The following TEAD1 variants were observed in gnomAD, a reference collection of about 807,000 sequenced individuals.
TEAD1 encodes the protein TEA domain transcription factor 1, also known as transcriptional enhancer factor TEF-1.
In TEAD1, 9 loss-of-function variants were observed where a neutral mutation model predicts 54.9. The ratio of observed to expected loss-of-function variants is 0.16; its 90% CI spans 0.10 to 0.29. The LOEUF (loss-of-function observed/expected upper bound fraction) is 0.29, where lower values mean the gene tolerates loss of function less well. Among genes scored for constraint, TEAD1 ranks in the 10% least tolerant of loss-of-function variants. TEAD1 has a pLI of 1.00. For missense variants in TEAD1, 387 were observed against 535.9 expected (o/e 0.72, Z 2.74); for synonymous variants, 200 against 187.8 (o/e 1.07, Z -0.53).
At chr11:12,703,985 G>A (rs1206257601) in intron 2 of TEAD1, among the ~76,000 whole-genome samples, 6 of 152,166 alleles carry the variant, frequency 3.9e-5, no homozygotes, top group Admixed American at 3.9e-4. Flanking sequence ...GAATGGCCCT[G>A]GATGTGCTTT....
intron 3 of TEAD1, among the ~76,000 whole-genome samples, chr11:12,792,957 G>A (rs1159347862): frequency 4.6e-5 from 7 of 152,166 alleles, no homozygotes; most frequent in Non-Finnish European, 1.0e-4. Flanking sequence ...AGAGGCTGAG[G>A]CAGGAGGATT....
chr11:12,742,063 G>A (rs1392716834), intron 2 of TEAD1, among the ~76,000 whole-genome samples: 1 of 152,222 alleles, frequency 6.6e-6, no homozygotes, highest in Non-Finnish European at 1.5e-5. Flanking sequence ...AGGTTGGAAT[G>A]CACCTTTCTT....
chr11:12,700,589 A>G (rs962916427), intron 2 of TEAD1, among the ~76,000 whole-genome samples: 1 of 152,174 alleles, frequency 6.6e-6, no homozygotes, highest in Admixed American at 6.5e-5. Context: ...AGCCACATTG[A>G]TCTTAGAAAC....
At chr11:12,760,177 T>A (rs1945072481) in intron 2 of TEAD1, among the ~76,000 whole-genome samples, 1 of 152,216 alleles carries the variant, frequency 6.6e-6, no homozygotes, top group South Asian at 2.1e-4. Flanking sequence ...CTAGAGAGGA[T>A]GGACTTGGAC....
intron 9 of TEAD1, among the ~76,000 whole-genome samples, chr11:12,886,338 C>T (rs1948086537): frequency 2.0e-5 from 3 of 152,264 alleles, no homozygotes; most frequent in Middle Eastern, 3.4e-3. Context: ...ACATAGACTC[C>T]ACCACATGAC....
In TEAD1 at chr11:12,940,669, T is replaced by G. The variant is rs2134181923; in HGVS notation, c.*3447T>G. 1 of 152,274 alleles carries G rather than the reference T, an allele frequency of 6.6e-6. No individual in the cohort carries two copies. The highest frequency in any genetic ancestry group is 1.9e-4 in the East Asian group (1 of 5,176). 9.4% of individuals were successfully genotyped at this position (152,274 alleles called of 1,614,324 possible). ...ATCCCTTTAATCAACTCACACCTGT[T>G]TAAAGAGTGTTTCTGATTTGACCTT... On this transcript the variant is annotated 3_prime_UTR_variant, in exon 13 of 13. Transcript: ENST00000527636.
At chr11:12,872,960 C>G (rs1223332839) in intron 5 of TEAD1, among the ~76,000 whole-genome samples, 1 of 152,150 alleles carries the variant, frequency 6.6e-6, no homozygotes, top group Non-Finnish European at 1.5e-5. Flanking sequence ...TAAATTAGGA[C>G]ACAGAGGCGT....
At chr11:12,843,132 AT>A (rs1325463608) in intron 3 of TEAD1, among the ~76,000 whole-genome samples, 2 of 152,110 alleles carry the variant, frequency 1.3e-5, no homozygotes, top group Non-Finnish European at 2.9e-5. Flanking sequence ...GGCAGCCTCT[AT>A]TGTCTCATTG....
chr11:12,921,646 T>G (rs1948809665), intron 10 of TEAD1, among the ~76,000 whole-genome samples: 1 of 152,018 alleles, frequency 6.6e-6, no homozygotes, highest in Admixed American at 6.5e-5. Flanking sequence ...CACAGCGAAG[T>G]ATTCTAAGGT....
chr11:12,750,048 G>A (rs1944835187), intron 2 of TEAD1, among the ~76,000 whole-genome samples: 1 of 152,180 alleles, frequency 6.6e-6, no homozygotes, highest in Admixed American at 6.5e-5. Flanking sequence ...TTAAAGGGTG[G>A]GGACTTGCTT....
rs772657678 is a variant in TEAD1 at position 12,937,148 on chromosome 11, A to G, written c.1207A>G (p.Met403Val). 8.1e-6 allele frequency: 13 copies of G among 1,613,934 alleles called. No individual in the cohort carries two copies. The highest frequency in any genetic ancestry group is 2.2e-5 in the South Asian group (2 of 91,082). The change falls in exon 13 of 13, where the codon ATG (methionine) becomes GTG (valine). Residue 403 changes from methionine (M) to valine (V), a missense_variant. Met to Val is a conservative substitution (Grantham distance 21). Coordinates refer to ENST00000527636, the MANE Select transcript of TEAD1 (RefSeq NM_021961.6). ...GGATACACAAGAAACTCTACTCTGCATGGCCTGTGTGTTTGAAGTTTCAAA... is the reference window on the plus strand; with the variant it reads ...GGATACACAAGAAACTCTACTCTGCGTGGCCTGTGTGTTTGAAGTTTCAAA...
chr11:12,773,612 G>A (rs1302337275), intron 3 of TEAD1, among the ~76,000 whole-genome samples: 1 of 152,096 alleles, frequency 6.6e-6, no homozygotes, highest in Admixed American at 6.5e-5. Flanking sequence ...CTAATTGGAG[G>A]GTTTATGTTG....
At chr11:12,883,951 C>T (rs908139993) in intron 9 of TEAD1, among the ~76,000 whole-genome samples, 15 of 150,328 alleles carry the variant, frequency 1.0e-4, no homozygotes, top group African/African-American at 2.5e-4. Flanking sequence ...GCCAAGATCG[C>T]GCCACTGCAC....
At position 12,807,371 on chromosome 11, in the gene TEAD1, G is replaced by A. The variant is rs370923979; in HGVS notation, c.202+42937G>A. ...TCTTTGTGTTGTAACACAGGGTAGG[G>A]GGCAGTATGTTTAATAGGTTAGTGT... On this transcript the variant is annotated intron_variant, in intron 3 of 12. Coordinates refer to ENST00000527636, the MANE Select transcript of TEAD1 (RefSeq NM_021961.6). Among the ~76,000 whole-genome samples the A allele has an allele frequency of 1.2e-4, 18 of 152,142 alleles. 1 individual carries two copies. The highest frequency in any genetic ancestry group is 9.6e-4 in the East Asian group (5 of 5,188).
At chr11:12,839,125 T>G (rs1946970991) in intron 3 of TEAD1, among the ~76,000 whole-genome samples, 1 of 149,660 alleles carries the variant, frequency 6.7e-6, no homozygotes, top group East Asian at 1.9e-4. Flanking sequence ...AAAAAAAAAC[T>G]GGGAGCCGGG....
intron 2 of TEAD1, among the ~76,000 whole-genome samples, chr11:12,684,751 T>C (rs1003035927): frequency 6.6e-6 from 1 of 152,186 alleles, no homozygotes; most frequent in African/African-American, 2.4e-5. Context: ...CATTTGTTTC[T>C]CTCAGTACTG....
chr11:12,879,947 G>C, intron 6 of TEAD1, 105 bp downstream of exon 6: 1 of 1,546,944 alleles, frequency 6.5e-7, no homozygotes, highest in Non-Finnish European at 8.8e-7. Context: ...GGTCAGGTAT[G>C]TGAGAGGGCA....
chr11:12,764,937 T>C (rs188494836), intron 3 of TEAD1, among the ~76,000 whole-genome samples: 1 of 150,920 alleles, frequency 6.6e-6, no homozygotes, highest in East Asian at 1.9e-4. Flanking sequence ...TTTTTTTTTT[T>C]TAAAACAACT....
At chr11:12,924,668 T>TGA (rs1158498124) in intron 10 of TEAD1, among the ~76,000 whole-genome samples, 1 of 152,224 alleles carries the variant, frequency 6.6e-6, no homozygotes, top group African/African-American at 2.4e-5. Context: ...ATTCTGATAC[T>TGA]GAATGCAAGA....
Sources: allele counts gnomAD v4.1 joint callset (sites outside exome capture counted in the v4.1 genomes callset), GRCh38; gene constraint gnomAD v4.1.1; transcripts MANE v1.5; gene names NCBI Gene and HGNC (gene_info 2026-07-23, HGNC 2026-07-21).